FBLN2: variants seen among roughly 807,000 people sequenced by gnomAD.
FBLN2 encodes fibulin-2.
A neutral mutation model predicts 123.7 loss-of-function variants in FBLN2; 81 were observed. The observed-to-expected ratio is 0.65, with a 90% CI of 0.55 to 0.79. The LOEUF is 0.79. FBLN2 is among the 30% of genes least tolerant of loss of function. FBLN2 has a pLI of 0.00. For synonymous variants in FBLN2, 699 were observed against 701.4 expected, an observed-to-expected ratio of 1.00 and a Z score of 0.05; for missense variants, 1,603 against 1,681.3, an observed-to-expected ratio of 0.95 and a Z score of 0.81.
chr3:13,609,460 C>T, intron 3 of FBLN2, 53 bp from the exon 4 acceptor site: 3 of 1,505,810 alleles, frequency 2.0e-6, no homozygotes, highest in South Asian at 1.3e-5. Flanking sequence ...TCACTTTCCA[C>T]TCTGGGAGGA....
At chr3:13,606,081 G>A (rs1319294951) in intron 2 of FBLN2, among the ~76,000 whole-genome samples, 2 of 151,980 alleles carry the variant, frequency 1.3e-5, no homozygotes, top group Non-Finnish European at 2.9e-5. Context: ...CTAACTTTTT[G>A]TGGAGTTGGA....
intron 16 of FBLN2, among the ~76,000 whole-genome samples, chr3:13,633,340 A>G (rs971354814): frequency 6.6e-6 from 1 of 152,258 alleles, no homozygotes; most frequent in Non-Finnish European, 1.5e-5. Context: ...TGGCGAGGCC[A>G]GGTCCCCTCT....
intron 1 of FBLN2, among the ~76,000 whole-genome samples, chr3:13,553,362 C>T (rs558543850): frequency 3.9e-5 from 6 of 152,166 alleles, no homozygotes; most frequent in East Asian, 1.9e-4. Flanking sequence ...GTGACAGGGC[C>T]GGGAAACTGA....
intron 2 of FBLN2, among the ~76,000 whole-genome samples, chr3:13,586,710 T>G (rs1039160503): frequency 1.4e-5 from 2 of 147,436 alleles, no homozygotes; most frequent in Non-Finnish European, 3.0e-5. Flanking sequence ...GATTTTACCA[T>G]GTTGCCCAGG....
At chr3:13,578,600 G>A (rs59217188) in intron 2 of FBLN2, among the ~76,000 whole-genome samples, 4,702 of 152,298 alleles carry the variant, frequency 0.031, 91 homozygotes, top group South Asian at 0.056. Context: ...ATCTGTTGAT[G>A]GACATTATTC....
At chr3:13,637,450 T>A in intron 17 of FBLN2, 112 bp from the exon 18 acceptor site, 1 of 969,320 alleles carries the variant, frequency 1.0e-6, no homozygotes, top group South Asian at 1.7e-5. Context: ...TTCCCGGCCA[T>A]TAGGGAGAGA....
intron 13 of FBLN2, 80 bp from the exon 14 acceptor site, chr3:13,629,740 C>T (rs1463728871): frequency 2.1e-5 from 32 of 1,494,970 alleles, no homozygotes; most frequent in African/African-American, 2.8e-5. Flanking sequence ...GCCTCCCCTT[C>T]GGCCCTGGAT....
At chr3:13,636,311 G>A in intron 16 of FBLN2, 134 bp from the exon 17 acceptor site, 1 of 1,056,366 alleles carries the variant, frequency 9.5e-7, no homozygotes, top group South Asian at 1.6e-5. Context: ...TGGGGCATGT[G>A]TGTGCAGGGA....
chr3:13,560,490 C>G (rs190624963), intron 1 of FBLN2, among the ~76,000 whole-genome samples: 1 of 152,140 alleles, frequency 6.6e-6, no homozygotes, highest in South Asian at 2.1e-4. Context: ...TCTCACACCA[C>G]CCACCTGTGT....
At chr3:13,580,849 C>G (rs951222619) in intron 2 of FBLN2, among the ~76,000 whole-genome samples, 1 of 152,260 alleles carries the variant, frequency 6.6e-6, no homozygotes, top group East Asian at 1.9e-4. Context: ...TTATTGCTCC[C>G]AAGTCCACGG....
At chr3:13,580,715 C>T (rs1340865673) in intron 2 of FBLN2, among the ~76,000 whole-genome samples, 3 of 152,230 alleles carry the variant, frequency 2.0e-5, no homozygotes, top group Non-Finnish European at 4.4e-5. Flanking sequence ...TCCTGCCATT[C>T]TCGCTAAACC....
intron 2 of FBLN2, among the ~76,000 whole-genome samples, chr3:13,606,318 C>A (rs1243964984): frequency 1.3e-5 from 2 of 152,208 alleles, no homozygotes; most frequent in Admixed American, 1.3e-4. Context: ...CTTAATATGT[C>A]AGCAGTCTAT....
At chr3:13,608,012 G>A (rs1705263707) in intron 2 of FBLN2, 50 bp from the exon 3 acceptor site, 1 of 1,460,952 alleles carries the variant, frequency 6.8e-7, no homozygotes, top group Non-Finnish European at 9.4e-7. Context: ...CATATCTGCT[G>A]GACTTGGTGA....
intron 2 of FBLN2, among the ~76,000 whole-genome samples, chr3:13,595,619 C>A (rs1395196414): frequency 6.6e-6 from 1 of 152,156 alleles, no homozygotes; most frequent in Non-Finnish European, 1.5e-5. Flanking sequence ...CCACAAATAT[C>A]CTGTCCAAAC....
At chr3:13,628,026 G>C in intron 11 of FBLN2, 57 bp downstream of exon 11, 4 of 1,571,424 alleles carry the variant, frequency 2.5e-6, no homozygotes, top group Non-Finnish European at 3.5e-6. Context: ...TGGAGGCATT[G>C]TGGGGGCTTT....
intron 2 of FBLN2, among the ~76,000 whole-genome samples, chr3:13,585,002 C>T (rs1178661518): frequency 2.0e-5 from 3 of 152,346 alleles, no homozygotes; most frequent in African/African-American, 4.8e-5. Flanking sequence ...CAAGCTGGCC[C>T]ACCTGGCAGT....
At chr3:13,563,590 A>G (rs1468201597) in intron 1 of FBLN2, among the ~76,000 whole-genome samples, 1 of 152,082 alleles carries the variant, frequency 6.6e-6, no homozygotes, top group African/African-American at 2.4e-5. Context: ...CCGACAGACC[A>G]TGCCCTCAAG....
At chr3:13,623,005 C>T (rs546896776) in intron 9 of FBLN2, among the ~76,000 whole-genome samples, 76 of 152,242 alleles carry the variant, frequency 5.0e-4, no homozygotes, top group South Asian at 1.9e-3. Flanking sequence ...ACCAGAGCCC[C>T]GTTTGTCTTC....
In FBLN2 at chr3:13,570,870, A is replaced by G. The variant is rs1305200312; in HGVS notation, c.515A>G (p.Tyr172Cys). 10 of 1,611,134 alleles carry G rather than the reference A, an allele frequency of 6.2e-6. No individual in the cohort carries two copies. Among genetic ancestry groups the G allele is most frequent in the Non-Finnish European group, 8.5e-6 (10 of 1,179,040 alleles). Residue 172 changes from tyrosine to cysteine, a missense_variant, in exon 2 of 18, where the codon TAC (tyrosine) becomes TGC (cysteine). Coordinates refer to ENST00000404922, the MANE Select transcript of FBLN2 (RefSeq NM_001004019.2). ...GACGCCGGTGGAGAGCTCATCTGCT[A>G]CCAGCTCCCCGGTTGCCACGGGAAC... is the stretch of plus-strand genomic sequence containing the variant. Reference protein sequence around the residue: ...CPDAGGELICYQLPGCHGNFS... With the variant: ...CPDAGGELICCQLPGCHGNFS...
Sources: gnomAD v4.1 joint callset for allele counts (sites outside exome capture counted in the v4.1 genomes callset) on GRCh38, gnomAD v4.1.1 for gene constraint, MANE v1.5 for transcripts, NCBI Gene and HGNC (gene_info 2026-07-23, HGNC 2026-07-21) for gene names.